The following ACBD5 variants were observed in gnomAD, a reference collection of about 807,000 sequenced individuals.
ACBD5 encodes the protein acyl-CoA binding domain containing 5.
ACBD5 carries 40 observed loss-of-function variants against 71.8 expected under a neutral mutation model. The observed-to-expected ratio is 0.56, with a 90% CI of 0.43 to 0.72. The LOEUF is 0.72. Among genes scored for constraint, ACBD5 ranks in the 30% least tolerant of loss-of-function variants. The probability of loss-of-function intolerance (pLI) is 0.00; values close to 1 mark genes in which losing one functional copy is unlikely to be tolerated. For synonymous variants in ACBD5, 229 were observed against 218.6 expected (o/e 1.05, Z -0.42); for missense variants, 559 against 644.5 (o/e 0.87, Z 1.44).
rs1414151049 is a variant in ACBD5 at position 27,240,440 on chromosome 10, A to T, written c.60T>A (p.Ile20=). The T allele has an allele frequency of 6.2e-7, 1 of 1,613,946 alleles. No individual in the cohort carries two copies. Among genetic ancestry groups the T allele is most frequent in the Admixed American group, 1.7e-5 (1 of 60,004 alleles). Residue 20 remains isoleucine (I), a synonymous_variant, in exon 2 of 13, where the codon ATT becomes ATA. Coordinates refer to ENST00000396271, the MANE Select transcript of ACBD5 (RefSeq NM_145698.5). The surrounding 1 kb of genome is among the most constrained non-coding windows in gnomAD (Gnocchi z 4.1). ...SWESWCCCCL[I]PADRPWDRGQ... ...CCCGGTCCCAAGGTCTGTCGGCGGGAATCAGGCAGCAGCAGCACCAGCTTT... is the reference window on the plus strand; with the variant it reads ...CCCGGTCCCAAGGTCTGTCGGCGGGTATCAGGCAGCAGCAGCACCAGCTTT...
chr10:27,203,765 T>C (rs1450405887), intron 12 of ACBD5, among the ~76,000 whole-genome samples: 1 of 151,530 alleles, frequency 6.6e-6, no homozygotes, highest in Non-Finnish European at 1.5e-5. Context: ...TAAAATAAAA[T>C]AAATTAAAAA....
At chr10:27,212,576 C>G (rs2061206857) in intron 8 of ACBD5, among the ~76,000 whole-genome samples, 1 of 140,496 alleles carries the variant, frequency 7.1e-6, no homozygotes, top group Non-Finnish European at 1.5e-5. Context: ...CCAATTTATG[C>G]TGCTTTTTTT....
At chr10:27,185,760 T>C (rs868081253) in intron 13 of ACBD5, among the ~76,000 whole-genome samples, 7 of 147,172 alleles carry the variant, frequency 4.8e-5, no homozygotes, top group Non-Finnish European at 8.9e-5. Context: ...ACACTCCAGA[T>C]TGGGCACTGG....
intron 5 of ACBD5, among the ~76,000 whole-genome samples, chr10:27,221,793 T>C (rs1378239169): frequency 2.0e-5 from 3 of 151,208 alleles, no homozygotes; most frequent in Non-Finnish European, 4.4e-5. Context: ...AAGTGTACAC[T>C]TGTAATCCCA....
chr10:27,217,857 A>T, intron 7 of ACBD5, 123 bp downstream of exon 7: 1 of 884,258 alleles, frequency 1.1e-6, no homozygotes, highest in Non-Finnish European at 1.7e-6. Flanking sequence ...TTATAATATT[A>T]ATAAGCCCTA....
At chr10:27,209,394 C>T (rs914998255) in intron 9 of ACBD5, among the ~76,000 whole-genome samples, 1 of 152,192 alleles carries the variant, frequency 6.6e-6, no homozygotes, top group Non-Finnish European at 1.5e-5. Flanking sequence ...AGTGCAATGG[C>T]TCACTGCAAC....
chr10:27,200,344 A>G (rs1318369382), intron 12 of ACBD5, among the ~76,000 whole-genome samples: 2 of 152,186 alleles, frequency 1.3e-5, no homozygotes, highest in Non-Finnish European at 2.9e-5. Context: ...GTTACCCTAT[A>G]TGGTCTAAAA....
At chr10:27,198,076 AC>A (rs1276157145) in intron 12 of ACBD5, among the ~76,000 whole-genome samples, 1 of 152,250 alleles carries the variant, frequency 6.6e-6, no homozygotes, top group Non-Finnish European at 1.5e-5. Flanking sequence ...AAGTTATGAA[AC>A]AAATGCGTAA....
At chr10:27,191,486 T>C (rs1336787997), downstream of ACBD5, among the ~76,000 whole-genome samples, 1 of 152,228 alleles carries the variant, frequency 6.6e-6, no homozygotes, top group South Asian at 2.1e-4. Context: ...CTCCACCAGA[T>C]GTTGACGGTG....
intron 6 of ACBD5, among the ~76,000 whole-genome samples, 187 bp downstream of exon 6, chr10:27,219,536 G>A (rs1163600221): frequency 2.6e-5 from 4 of 152,090 alleles, no homozygotes; most frequent in Non-Finnish European, 5.9e-5. Context: ...TTCCATTTAC[G>A]CATAAGGTTG....
At chr10:27,207,211 G>A (rs1414711182) in intron 10 of ACBD5, among the ~76,000 whole-genome samples, 1 of 151,778 alleles carries the variant, frequency 6.6e-6, no homozygotes, top group East Asian at 1.9e-4. Flanking sequence ...AGGAGGTGGA[G>A]GTTGCAGTGA....
At chr10:27,226,736 C>T (rs1255158224) in intron 4 of ACBD5, among the ~76,000 whole-genome samples, 1 of 151,768 alleles carries the variant, frequency 6.6e-6, no homozygotes, top group African/African-American at 2.4e-5. Flanking sequence ...ACTGCAGCCT[C>T]TGCCTCTGGG....
chr10:27,193,114 CGTGTGTGTGTGT>C (rs58983291), downstream of ACBD5, among the ~76,000 whole-genome samples: 4,768 of 80,204 alleles, frequency 0.059, 471 homozygotes, highest in African/African-American at 0.18. Flanking sequence ...TTCCTTCCTT[CGTGTGTGTGTGT>C]GTGTGTGTGT....
intron 3 of ACBD5, among the ~76,000 whole-genome samples, chr10:27,233,213 G>A (rs1397989763): frequency 6.6e-6 from 1 of 152,020 alleles, no homozygotes; most frequent in Non-Finnish European, 1.5e-5. Flanking sequence ...GATCACTTTA[G>A]GTCAGGAGTT....
intron 4 of ACBD5, 46 bp downstream of exon 4, chr10:27,231,702 A>C: frequency 2.0e-6 from 3 of 1,526,344 alleles, no homozygotes; most frequent in Non-Finnish European, 2.7e-6. Flanking sequence ...AAATTAAATT[A>C]GAGCTGCTCT....
chr10:27,206,019 T>A (rs2060434791), intron 10 of ACBD5, among the ~76,000 whole-genome samples: 1 of 152,076 alleles, frequency 6.6e-6, no homozygotes, highest in Non-Finnish European at 1.5e-5. Context: ...GCTATCACCC[T>A]GCCTCAGCCT....
At chr10:27,228,675 A>C (rs2137959424) in intron 4 of ACBD5, among the ~76,000 whole-genome samples, 1 of 151,326 alleles carries the variant, frequency 6.6e-6, no homozygotes, top group South Asian at 2.1e-4. Context: ...TCAAAGCTAA[A>C]ATCCTATTAC....
intron 4 of ACBD5, among the ~76,000 whole-genome samples, chr10:27,227,640 T>C (rs545181420): frequency 2.0e-5 from 3 of 152,288 alleles, no homozygotes; most frequent in African/African-American, 7.2e-5. Context: ...TCAGAGACAG[T>C]TGGTGTTCTA....
intron 13 of ACBD5, among the ~76,000 whole-genome samples, chr10:27,184,424 C>A (rs1184689962): frequency 6.6e-6 from 1 of 152,048 alleles, no homozygotes; most frequent in Non-Finnish European, 1.5e-5. Context: ...CACGTTTCAA[C>A]TTCTGATGCT....
Sources: allele counts gnomAD v4.1 joint callset (sites outside exome capture counted in the v4.1 genomes callset), GRCh38; gene constraint gnomAD v4.1.1; non-coding constraint Gnocchi (gnomAD v3.1); transcripts MANE v1.5; gene names NCBI Gene and HGNC (gene_info 2026-07-23, HGNC 2026-07-21).